UCHL3: variants seen among roughly 807,000 people sequenced by gnomAD.
The protein encoded by UCHL3 is ubiquitin C-terminal hydrolase L3, also known as ubiquitin carboxyl-terminal hydrolase isozyme L3.
Under a neutral mutation model 35.8 loss-of-function variants are expected in UCHL3, and 22 were observed. That is an observed-to-expected ratio of 0.61 (90% confidence interval 0.44 to 0.88). The LOEUF (loss-of-function observed/expected upper bound fraction) is 0.88. UCHL3 is among the 40% of genes least tolerant of loss of function. The pLI is 0.00. For synonymous variants in UCHL3, 90 were observed against 92.8 expected, an observed-to-expected ratio of 0.97 and a Z score of 0.17; for missense variants, 229 against 276.9, an observed-to-expected ratio of 0.83 and a Z score of 1.23.
intron 7 of UCHL3, among the ~76,000 whole-genome samples, chr13:75,602,358 T>C (rs1203483311): frequency 6.6e-6 from 1 of 152,170 alleles, no homozygotes; most frequent in Non-Finnish European, 1.5e-5. Context: ...AAACAAGTTC[T>C]GAATGAATTG....
chr13:75,595,414 A>G (rs1399327300), intron 7 of UCHL3, among the ~76,000 whole-genome samples: 2 of 151,924 alleles, frequency 1.3e-5, no homozygotes, highest in East Asian at 3.9e-4. Flanking sequence ...CCTGACCAAC[A>G]TGGAGAAACC....
chr13:75,559,354 C>G (rs2031415943), intron 2 of UCHL3, among the ~76,000 whole-genome samples: 1 of 152,126 alleles, frequency 6.6e-6, no homozygotes, highest in Non-Finnish European at 1.5e-5. Flanking sequence ...GCCCCGGACT[C>G]TTATAGGGCA....
At chr13:75,603,335 A>C (rs953122758) in intron 7 of UCHL3, among the ~76,000 whole-genome samples, 8 of 152,136 alleles carry the variant, frequency 5.3e-5, no homozygotes, top group African/African-American at 1.9e-4. Flanking sequence ...AAACCAGGAA[A>C]ATACATATAT....
At chr13:75,561,821 A>ATATACGTATACGTATATACGTATACG (rs1566211531) in intron 3 of UCHL3, among the ~76,000 whole-genome samples, 1 of 34,284 alleles carries the variant, frequency 2.9e-5, no homozygotes, top group African/African-American at 5.6e-5. Flanking sequence ...ACGTATACGT[A>ATATACGTATACGTATATACGTATACG]TATACGTACG....
At chr13:75,583,206 A>C (rs1396519751) in intron 6 of UCHL3, among the ~76,000 whole-genome samples, 1 of 152,202 alleles carries the variant, frequency 6.6e-6, no homozygotes, top group Non-Finnish European at 1.5e-5. Context: ...CCCAGGCCTT[A>C]CAAAGTAGTT....
At chr13:75,568,475 G>GTA (rs138711361) in intron 5 of UCHL3, among the ~76,000 whole-genome samples, 1,672 of 151,018 alleles carry the variant, frequency 0.011, 29 homozygotes, top group African/African-American at 0.037. Flanking sequence ...TTTAGGGAGT[G>GTA]TATATATATA....
At chr13:75,595,597 CAAAA>C (rs58733406) in intron 7 of UCHL3, among the ~76,000 whole-genome samples, 2 of 45,658 alleles carry the variant, frequency 4.4e-5, no homozygotes, top group African/African-American at 2.8e-4. Context: ...TACTCCATCT[CAAAA>C]AAAAAAAAAA....
intron 6 of UCHL3, among the ~76,000 whole-genome samples, chr13:75,585,319 A>C (rs540601801): frequency 6.6e-6 from 1 of 152,326 alleles, no homozygotes; most frequent in African/African-American, 2.4e-5. Context: ...CACATGAAAA[A>C]GACAGAGTAG....
chr13:75,569,443 C>A lies in UCHL3; in HGVS notation c.427-17C>A. 2 of 1,597,726 alleles carry A rather than the reference C, an allele frequency of 1.3e-6. No individual in the cohort carries two copies. Among genetic ancestry groups the A allele is most frequent in the South Asian group, 1.2e-5 (1 of 86,242 alleles). The stretch of plus-strand genomic sequence containing the variant: ...TATAGGCATTTTTTCCAATGAATAC[C>A]TTTATTCTTATTACAGGCCATCCGA... On this transcript the variant is annotated splice_polypyrimidine_tract_variant and intron_variant, in intron 5 of 8. Transcript: ENST00000377595.
At chr13:75,557,448 G>A (rs970259176) in intron 2 of UCHL3, among the ~76,000 whole-genome samples, 4 of 152,066 alleles carry the variant, frequency 2.6e-5, no homozygotes, top group African/African-American at 9.7e-5. Context: ...TTCTCAATTG[G>A]CCAAAATTTT....
chr13:75,590,165 G>A (rs2032442749), intron 6 of UCHL3: 1 of 1,241,546 alleles, frequency 8.1e-7, no homozygotes, highest in Admixed American at 3.2e-5. Context: ...TTCTTCCAGT[G>A]ACAAGGGCTG....
At chr13:75,600,916 T>C (rs1411684060) in intron 7 of UCHL3, among the ~76,000 whole-genome samples, 5 of 152,218 alleles carry the variant, frequency 3.3e-5, no homozygotes, top group Admixed American at 2.0e-4. Flanking sequence ...AGAACATTCA[T>C]GATTTATGGG....
At chr13:75,570,917 A>T (rs143899351) in intron 6 of UCHL3, among the ~76,000 whole-genome samples, 3,619 of 151,550 alleles carry the variant, frequency 0.024, 158 homozygotes, top group African/African-American at 0.082. Flanking sequence ...GTCTCTATAA[A>T]ATATATATAT....
intron 5 of UCHL3, among the ~76,000 whole-genome samples, chr13:75,568,561 C>T (rs1048322852): frequency 1.1e-4 from 16 of 151,604 alleles, no homozygotes; most frequent in Admixed American, 2.6e-4. Context: ...TTATCAGAAA[C>T]GTATTACATA....
chr13:75,584,160 A>T (rs1288607119), intron 6 of UCHL3, among the ~76,000 whole-genome samples: 3 of 152,172 alleles, frequency 2.0e-5, no homozygotes, highest in Non-Finnish European at 4.4e-5. Context: ...ACTGGAGGAA[A>T]AGACCCCTGA....
At chr13:75,600,199 A>G (rs930025312) in intron 7 of UCHL3, among the ~76,000 whole-genome samples, 6 of 152,254 alleles carry the variant, frequency 3.9e-5, no homozygotes, top group Non-Finnish European at 8.8e-5. Context: ...GAAAGAAGTC[A>G]TCTCCATAAC....
chr13:75,565,885 A>C (rs1027432086), intron 3 of UCHL3, among the ~76,000 whole-genome samples: 1 of 152,230 alleles, frequency 6.6e-6, no homozygotes. Flanking sequence ...TCACACAGCT[A>C]ATAACAGCTG....
At chr13:75,571,360 C>T (rs1016296191) in intron 6 of UCHL3, among the ~76,000 whole-genome samples, 5 of 152,180 alleles carry the variant, frequency 3.3e-5, no homozygotes, top group African/African-American at 1.2e-4. Context: ...ACCTAACCGC[C>T]TTCATTCTTT....
At chr13:75,576,442 G>C (rs1424235719) in intron 6 of UCHL3, among the ~76,000 whole-genome samples, 1 of 151,356 alleles carries the variant, frequency 6.6e-6, no homozygotes, top group Non-Finnish European at 1.5e-5. Flanking sequence ...TGTTAGCCAG[G>C]ATGGTCTCAA....
Sources: allele counts gnomAD v4.1 joint callset (sites outside exome capture counted in the v4.1 genomes callset), GRCh38; gene constraint gnomAD v4.1.1; transcripts MANE v1.5; gene names NCBI Gene and HGNC (gene_info 2026-07-23, HGNC 2026-07-21).